Variants in RANBP10 observed in about 807,000 individuals in gnomAD.
RANBP10 encodes ran-binding protein 10.
RANBP10 carries 24 observed loss-of-function variants against 72.8 expected under a neutral mutation model. That is an observed-to-expected ratio of 0.33 (90% CI 0.24 to 0.46). RANBP10 has a LOEUF of 0.46. RANBP10 is among the 20% of genes least tolerant of loss of function. The pLI is 1.00. For synonymous variants in RANBP10, 310 were observed against 322.3 expected (o/e 0.96, Z 0.41); for missense variants, 679 against 817.5 (o/e 0.83, Z 2.07).
rs1428537370 is a variant in RANBP10, at chr16:67,724,718, G to C, written c.*1710C>G. Reference sequence around the variant, plus strand: ...ATTCAAACATTTTTCTTGTTGCCCAGCTGTGGGCCCAGTGAGGCCTGGTGA... The same window carrying C: ...ATTCAAACATTTTTCTTGTTGCCCACCTGTGGGCCCAGTGAGGCCTGGTGA... On this transcript the variant is annotated 3_prime_UTR_variant, in exon 14 of 14. Transcript: ENST00000317506. 6.6e-6 allele frequency: 1 copy of C among 152,302 alleles called. No individual in the cohort carries two copies. Among genetic ancestry groups the C allele is most frequent in the Admixed American group, 6.5e-5 (1 of 15,284 alleles). The allele number at this position is 152,302 out of a possible 1,614,324, so 9.4% of individuals were successfully genotyped here. A position where few individuals can be genotyped will look rare whatever the true frequency, so the allele number is the denominator to read the frequency against.
At chr16:67,805,893 T>C (rs1156228788) in intron 1 of RANBP10, among the ~76,000 whole-genome samples, 5 of 152,138 alleles carry the variant, frequency 3.3e-5, no homozygotes, top group African/African-American at 4.8e-5. Flanking sequence ...CCCCAAACTC[T>C]AGCACGGAAC....
intron 4 of RANBP10, chr16:67,738,605 A>G (rs956338599): frequency 6.6e-6 from 1 of 151,968 alleles, no homozygotes; most frequent in African/African-American, 2.4e-5. Flanking sequence ...GGCGCCCACC[A>G]CCACGCCAGG....
At chr16:67,736,756 G>T (rs1444518426) in intron 5 of RANBP10, among the ~76,000 whole-genome samples, 1 of 152,304 alleles carries the variant, frequency 6.6e-6, no homozygotes, top group East Asian at 1.9e-4. Flanking sequence ...TTCTCCACCT[G>T]ATTCTGTTCT....
intron 3 of RANBP10, among the ~76,000 whole-genome samples, chr16:67,747,536 C>G (rs931741329): frequency 3.3e-5 from 5 of 152,126 alleles, no homozygotes; most frequent in African/African-American, 1.2e-4. Flanking sequence ...GGGTCTCACA[C>G]TCTCTCGTCC....
intron 3 of RANBP10, among the ~76,000 whole-genome samples, chr16:67,747,817 CTTTTTTTTT>C (rs1160482023): frequency 8.2e-6 from 1 of 121,326 alleles, no homozygotes; most frequent in Non-Finnish European, 1.8e-5. Flanking sequence ...ATTTTCTTTT[CTTTTTTTTT>C]TTTTTTTTTT....
Position 67,729,212 on chromosome 16 carries a change from G to C in RANBP10, c.1352+68C>G. 6.3e-7 allele frequency: 1 copy of C among 1,579,518 alleles called. No homozygotes were observed. Among genetic ancestry groups the C allele is most frequent in the Non-Finnish European group, 8.6e-7 (1 of 1,162,192 alleles). On this transcript the variant is annotated intron_variant, in intron 10 of 13. Transcript: ENST00000317506. The surrounding 1 kb of genome is among the most constrained non-coding windows in gnomAD (Gnocchi z 7.1). ...GGGGTGAAGGGCAGGGCGCTCAAAG[G>C]ACAGACTGCAATGGGCCCAGCTGGC...
At chr16:67,736,045 C>A (rs1391389679) in intron 5 of RANBP10, among the ~76,000 whole-genome samples, 3 of 152,168 alleles carry the variant, frequency 2.0e-5, no homozygotes, top group African/African-American at 7.2e-5. Context: ...TGGCTCCCCA[C>A]TGCAACTGTC....
chr16:67,763,852 G>A (rs770699642), intron 3 of RANBP10, among the ~76,000 whole-genome samples: 5 of 152,122 alleles, frequency 3.3e-5, no homozygotes, highest in African/African-American at 4.8e-5. Flanking sequence ...ACGCCACCAC[G>A]CCCGGCTAAT....
chr16:67,736,323 G>T (rs1040952626), intron 5 of RANBP10, among the ~76,000 whole-genome samples: 7 of 152,080 alleles, frequency 4.6e-5, no homozygotes, highest in African/African-American at 1.7e-4. Context: ...CACCACGCCC[G>T]GCTAATTTTG....
chr16:67,794,792 G>A (rs2055095418), intron 2 of RANBP10, among the ~76,000 whole-genome samples: 1 of 150,804 alleles, frequency 6.6e-6, no homozygotes, highest in Non-Finnish European at 1.5e-5. Context: ...CAAAGTGCTG[G>A]GATTACAGGC....
chr16:67,744,200 G>A (rs1456406867), intron 4 of RANBP10, 88 bp downstream of exon 4: 18 of 1,534,314 alleles, frequency 1.2e-5, no homozygotes, highest in Non-Finnish European at 1.5e-5. Flanking sequence ...CAGCAGAGGC[G>A]ACACTGCCTT....
chr16:67,771,430 C>A (rs2054605751), intron 3 of RANBP10, among the ~76,000 whole-genome samples: 1 of 151,970 alleles, frequency 6.6e-6, no homozygotes, highest in Non-Finnish European at 1.5e-5. Flanking sequence ...ACTGCAACCT[C>A]CACCTCCCGG....
chr16:67,798,751 A>G (rs1597925666), intron 2 of RANBP10, among the ~76,000 whole-genome samples: 1 of 151,004 alleles, frequency 6.6e-6, no homozygotes, highest in East Asian at 1.9e-4. Context: ...CCAAAGACCT[A>G]AAGTCACTGG....
At chr16:67,801,745 A>G (rs2055237427) in intron 2 of RANBP10, among the ~76,000 whole-genome samples, 1 of 152,094 alleles carries the variant, frequency 6.6e-6, no homozygotes. Flanking sequence ...ACTTGAGGCT[A>G]GGAGTTGGAG....
At position 67,730,075 on chromosome 16, in the gene RANBP10, C is replaced by A. The variant is rs561281720; in HGVS notation, c.890-29G>T. On this transcript the variant is annotated intron_variant, in intron 7 of 13. Coordinates refer to ENST00000317506, the MANE Select transcript of RANBP10 (RefSeq NM_020850.3). The surrounding 1 kb of genome is among the most constrained non-coding windows in gnomAD (Gnocchi z 4.3). ...CAGGGTGCAAGAACACAGCAGTGAG[C>A]GAGGGCTACAGGCCTCTCCCACAGC... is the stretch of plus-strand genomic sequence containing the variant. 2 of 1,598,978 alleles carry A rather than the reference C, an allele frequency of 1.3e-6. No individual in the cohort carries two copies. The highest frequency in any genetic ancestry group is 1.7e-6 in the Non-Finnish European group (2 of 1,173,284).
chr16:67,783,952 A>G (rs1188601693), intron 2 of RANBP10, among the ~76,000 whole-genome samples: 2 of 149,814 alleles, frequency 1.3e-5, no homozygotes, highest in African/African-American at 2.4e-5. Context: ...ACTGAGGCAG[A>G]GAAGTGTTTG....
intron 3 of RANBP10, among the ~76,000 whole-genome samples, chr16:67,759,295 G>C (rs1309843620): frequency 1.3e-5 from 2 of 152,166 alleles, no homozygotes; most frequent in Non-Finnish European, 2.9e-5. Flanking sequence ...GCAGCACCAG[G>C]TACACAAACC....
chr16:67,777,609 T>C (rs1207097302), intron 2 of RANBP10, among the ~76,000 whole-genome samples: 1 of 152,052 alleles, frequency 6.6e-6, no homozygotes, highest in Non-Finnish European at 1.5e-5. Flanking sequence ...AAAATGTTGA[T>C]GAAGGAAATT....
rs1283946603 is a variant in RANBP10, at chr16:67,725,656, C to T, written c.*772G>A. 1.3e-5 allele frequency: 2 copies of T among 152,382 alleles called. No homozygotes were observed. Among genetic ancestry groups the T allele is most frequent in the East Asian group, 3.9e-4 (2 of 5,178 alleles). 9.4% of individuals were successfully genotyped at this position (152,382 alleles called of 1,614,324 possible). A position where few individuals can be genotyped will look rare whatever the true frequency, so the allele number is the denominator to read the frequency against. On this transcript the variant is annotated 3_prime_UTR_variant, in exon 14 of 14. Transcript: ENST00000317506. Reference sequence around the variant, plus strand: ...GGGCCAAGTTATCACTTCTCTGGACCCTTGGCCCTGTAGTTCTCTGCTCTG... The same window carrying T: ...GGGCCAAGTTATCACTTCTCTGGACTCTTGGCCCTGTAGTTCTCTGCTCTG...
Sources: allele counts gnomAD v4.1 joint callset (sites outside exome capture counted in the v4.1 genomes callset), GRCh38; gene constraint gnomAD v4.1.1; non-coding constraint Gnocchi (gnomAD v3.1); transcripts MANE v1.5; gene names NCBI Gene and HGNC (gene_info 2026-07-23, HGNC 2026-07-21).